The following NFIL3 variants were observed in gnomAD, a reference collection of about 807,000 sequenced individuals.
NFIL3 encodes the protein nuclear factor, interleukin 3 regulated.
NFIL3 carries 5 observed loss-of-function variants against 10.0 expected under a neutral mutation model. That is an observed-to-expected ratio of 0.50 (90% CI 0.26 to 1.06). NFIL3 has a LOEUF of 1.06. NFIL3 is among the 50% of genes least tolerant of loss of function. The probability of loss-of-function intolerance (pLI) is 0.13; values close to 1 mark genes in which losing one functional copy is unlikely to be tolerated. For missense variants in NFIL3, 436 were observed against 547.6 expected, an observed-to-expected ratio of 0.80 and a Z score of 2.03; for synonymous variants, 202 against 206.5, an observed-to-expected ratio of 0.98 and a Z score of 0.19.
the NFIL3 span, among the ~76,000 whole-genome samples, chr9:91,434,513 A>G: frequency 1.3e-5 from 2 of 152,244 alleles, no homozygotes; most frequent in Non-Finnish European, 2.9e-5. Context: ...AAACCAAAAT[A>G]TGGGAGAACA....
the NFIL3 span, among the ~76,000 whole-genome samples, chr9:91,483,308 G>A: frequency 2.6e-5 from 4 of 152,196 alleles, no homozygotes; most frequent in Non-Finnish European, 5.9e-5. Context: ...AGCACCAGCA[G>A]GATGAAAATA....
At chr9:91,431,218 T>G in the NFIL3 span, among the ~76,000 whole-genome samples, 1 of 152,116 alleles carries the variant, frequency 6.6e-6, no homozygotes, top group East Asian at 1.9e-4. Flanking sequence ...TTTAAATGCT[T>G]TTTTTCCCCC....
Position 91,410,554 on chromosome 9 carries a change from G to A in NFIL3, c.181C>T (p.Arg61Trp). ...TCAGGAATGAATTCCCGTTTCCTCC[G>A]ACATGCAGAAGATTTGTTCTTCCCC... ...SVGKNKSSAC[R>W]RKREFIPDEK... is the part of the protein sequence containing the mutation. The change falls in exon 2 of 2, where the codon CGG (arginine) becomes TGG (tryptophan). Residue 61 changes from arginine (R) to tryptophan (W), a missense_variant. Around this residue, in one of 3 missense-constraint regions of NFIL3, gnomAD observed 76 missense variants for 73.0 expected, o/e 1.04. Coordinates refer to ENST00000297689, the MANE Select transcript of NFIL3 (RefSeq NM_005384.3). The surrounding 1 kb of genome is among the most constrained non-coding windows in gnomAD (Gnocchi z 5.7). The A allele has an allele frequency of 6.2e-7, 1 of 1,614,006 alleles. No homozygotes were observed. The highest frequency in any genetic ancestry group is 8.5e-7 in the Non-Finnish European group (1 of 1,180,030).
chr9:91,440,445 A>T, the NFIL3 span, among the ~76,000 whole-genome samples: 1 of 151,878 alleles, frequency 6.6e-6, no homozygotes, highest in Non-Finnish European at 1.5e-5. Context: ...TTTACTTTTT[A>T]AAAAACCAAC....
chr9:91,433,189 T>C, the NFIL3 span, among the ~76,000 whole-genome samples: 1 of 152,222 alleles, frequency 6.6e-6, no homozygotes, highest in Non-Finnish European at 1.5e-5. Flanking sequence ...CTGGACAAGA[T>C]GTTAATATTT....
the NFIL3 span, among the ~76,000 whole-genome samples, chr9:91,445,354 A>C: frequency 2.0e-5 from 3 of 152,226 alleles, no homozygotes; most frequent in Non-Finnish European, 4.4e-5. Flanking sequence ...TGCAGCAGCA[A>C]TGACCCAGGA....
intron 1 of NFIL3, among the ~76,000 whole-genome samples, chr9:91,421,852 T>A (rs1833776559): frequency 6.6e-6 from 1 of 152,250 alleles, no homozygotes; most frequent in African/African-American, 2.4e-5. Flanking sequence ...AATGTTACGT[T>A]ATATATACAT....
upstream of NFIL3, among the ~76,000 whole-genome samples, chr9:91,425,457 G>A (rs959433953): frequency 1.3e-5 from 2 of 152,098 alleles, no homozygotes; most frequent in South Asian, 2.1e-4. Flanking sequence ...GATTTATCTG[G>A]TAGTACAGCT....
At chr9:91,428,315 A>G (rs374151093), upstream of NFIL3, among the ~76,000 whole-genome samples, 3 of 151,706 alleles carry the variant, frequency 2.0e-5, no homozygotes, top group Admixed American at 6.6e-5. Context: ...ACTTCCTGGG[A>G]TTCCTTCATT....
chr9:91,420,355 A>T (rs2440593), intron 1 of NFIL3, among the ~76,000 whole-genome samples: 524 of 38,978 alleles, frequency 0.013, 2 homozygotes, highest in Middle Eastern at 0.054. Context: ...AGGTAAATAC[A>T]CACACACACA....
the NFIL3 span, among the ~76,000 whole-genome samples, chr9:91,482,804 C>T: frequency 6.6e-6 from 1 of 152,046 alleles, no homozygotes; most frequent in East Asian, 1.9e-4. Flanking sequence ...GCCCAGCCTC[C>T]TAACTGAACG....
At chr9:91,435,720 C>G in the NFIL3 span, among the ~76,000 whole-genome samples, 1 of 152,328 alleles carries the variant, frequency 6.6e-6, no homozygotes, top group Admixed American at 6.5e-5. Flanking sequence ...AGTGGTCAAC[C>G]AGGGTCCCTT....
At chr9:91,450,660 A>G in the NFIL3 span, among the ~76,000 whole-genome samples, 23 of 152,158 alleles carry the variant, frequency 1.5e-4, no homozygotes, top group Non-Finnish European at 2.8e-4. Flanking sequence ...TGTGCACTTA[A>G]GAAGAATGTG....
chr9:91,472,717 G>T, the NFIL3 span, among the ~76,000 whole-genome samples: 9 of 152,128 alleles, frequency 5.9e-5, no homozygotes, highest in Admixed American at 5.9e-4. Flanking sequence ...GCTCATCAAA[G>T]TCATTCTCCG....
the NFIL3 span, among the ~76,000 whole-genome samples, chr9:91,463,757 T>C: frequency 6.6e-6 from 1 of 152,210 alleles, no homozygotes; most frequent in Non-Finnish European, 1.5e-5. Context: ...CAACAGAGTG[T>C]TGAAGTCTGC....
intron 1 of NFIL3, among the ~76,000 whole-genome samples, chr9:91,420,831 G>T (rs1833748746): frequency 6.6e-6 from 1 of 152,022 alleles, no homozygotes; most frequent in South Asian, 2.1e-4. Context: ...CGTCTATGTG[G>T]GCGTTTAGAT....
At chr9:91,457,513 A>G in the NFIL3 span, among the ~76,000 whole-genome samples, 1 of 151,972 alleles carries the variant, frequency 6.6e-6, no homozygotes, top group Non-Finnish European at 1.5e-5. Context: ...TTTAAAGTTC[A>G]ATTTCTCATT....
chr9:91,423,410 C>G (rs1476178820), intron 1 of NFIL3, among the ~76,000 whole-genome samples: 1 of 152,074 alleles, frequency 6.6e-6, no homozygotes, highest in Non-Finnish European at 1.5e-5. Flanking sequence ...CGTGCCGGCG[C>G]GAAGGCGCTG....
At chr9:91,452,378 C>T in the NFIL3 span, among the ~76,000 whole-genome samples, 1 of 152,092 alleles carries the variant, frequency 6.6e-6, no homozygotes, top group African/African-American at 2.4e-5. Flanking sequence ...TTAAATCTAT[C>T]TATAACCTGG....
Sources: gnomAD v4.1 joint callset for allele counts (sites outside exome capture counted in the v4.1 genomes callset) on GRCh38, gnomAD v4.1.1 for gene constraint, gnomAD v4.1.1 regional missense constraint, Gnocchi (gnomAD v3.1) non-coding constraint, MANE v1.5 for transcripts, NCBI Gene and HGNC (gene_info 2026-07-23, HGNC 2026-07-21) for gene names.